The following C6 variants were observed in gnomAD, a reference collection of about 807,000 sequenced individuals.
C6 encodes complement component C6.
A neutral mutation model predicts 112.9 loss-of-function variants in C6; 101 were observed. The ratio of observed to expected loss-of-function variants is 0.89; its 90% CI spans 0.76 to 1.06. The LOEUF is 1.06. Among genes scored for constraint, C6 ranks in the 50% least tolerant of loss-of-function variants. The pLI is 0.00. For missense variants in C6, 1,202 were observed against 1,104.6 expected, an observed-to-expected ratio of 1.09 and a Z score of -1.25; for synonymous variants, 431 against 384.1, an observed-to-expected ratio of 1.12 and a Z score of -1.43.
Position 41,160,169 on chromosome 5 carries a change from C to T in C6, c.1657G>A (p.Glu553Lys). Residue 553 changes from glutamate to lysine, a missense_variant, in exon 11 of 18, where the codon GAG becomes AAG. Physicochemically the swap from Glu to Lys is moderately conservative, Grantham distance 56 (BLOSUM62 1). Transcript: ENST00000337836. ...CQSGTYGENCEKQSPDYKSNA... is the reference protein window; with the variant it reads ...CQSGTYGENCKKQSPDYKSNA... ...GATTTATAATCTGGAGACTGTTTCT[C>T]ACAGTTCTCACCATAGGTGCCACTC... 1 of 1,613,270 alleles carries T rather than the reference C, an allele frequency of 6.2e-7. No individual in the cohort carries two copies. Among genetic ancestry groups the T allele is most frequent in the Non-Finnish European group, 8.5e-7 (1 of 1,179,242 alleles).
At chr5:41,215,945 T>C (rs1008247922), upstream of C6, among the ~76,000 whole-genome samples, 5 of 152,074 alleles carry the variant, frequency 3.3e-5, no homozygotes, top group African/African-American at 1.2e-4. Context: ...TAATTTCTTA[T>C]TAGAGCCAAG....
chr5:41,252,159 T>C (rs1741400470), intron 1 of C6, among the ~76,000 whole-genome samples: 1 of 152,222 alleles, frequency 6.6e-6, no homozygotes, highest in Non-Finnish European at 1.5e-5. Context: ...CTATTTTAAC[T>C]AATATAAATA....
intron 1 of C6, among the ~76,000 whole-genome samples, chr5:41,238,863 T>C (rs557769575): frequency 6.6e-6 from 1 of 152,204 alleles, no homozygotes; most frequent in African/African-American, 2.4e-5. Flanking sequence ...CTTTTGTTTT[T>C]AATATAATTA....
chr5:41,252,490 A>G (rs1194043153), intron 1 of C6, among the ~76,000 whole-genome samples: 2 of 152,156 alleles, frequency 1.3e-5, no homozygotes, highest in African/African-American at 2.4e-5. Flanking sequence ...GAGATACCCA[A>G]CTCCAACCTG....
intron 1 of C6, among the ~76,000 whole-genome samples, chr5:41,232,318 G>A (rs12187021): frequency 0.59 from 89,307 of 151,854 alleles, 27,051 homozygotes; most frequent in South Asian, 0.67. Flanking sequence ...TGAGATAGTG[G>A]AAAGCTCTGA....
At chr5:41,202,608 G>A (rs1368994704) in intron 2 of C6, among the ~76,000 whole-genome samples, 1 of 152,184 alleles carries the variant, frequency 6.6e-6, no homozygotes, top group Non-Finnish European at 1.5e-5. Context: ...GGGACAAGAA[G>A]TCTGAATTGG....
chr5:41,177,339 T>A lies in C6; in HGVS notation c.928-624A>T, dbSNP rs1037066641. On this transcript the variant is annotated intron_variant, in intron 7 of 17. Coordinates refer to ENST00000337836, the MANE Select transcript of C6 (RefSeq NM_000065.5). ...TCTCCTCCACCCATATGCAGAAATA[T>A]ATGAGTTTTTTTGTTTACAAACTTA... Among the ~76,000 whole-genome samples the A allele has an allele frequency of 2.6e-5, 4 of 152,218 alleles. No individual in the cohort carries two copies. The East Asian group carries it at 7.7e-4, about 29-fold the overall frequency.
At chr5:41,155,209 A>G in intron 13 of C6, 105 bp from the exon 14 acceptor site, 1 of 1,007,034 alleles carries the variant, frequency 9.9e-7, no homozygotes, top group Non-Finnish European at 1.5e-6. Context: ...GGATCTACTC[A>G]GTCACCAAGT....
chr5:41,187,707 C>CA (rs201786666), intron 5 of C6, among the ~76,000 whole-genome samples: 100 of 120,160 alleles, frequency 8.3e-4, no homozygotes, highest in African/African-American at 7.6e-4. Context: ...CATACACACA[C>CA]ACACACACAC....
rs143683793 is a variant in C6 at position 41,257,424 on chromosome 5, A to G, written c.-21+3770T>C. On this transcript the variant is annotated intron_variant, in intron 1 of 17. Transcript: ENST00000263413. ...ATTTTCTTTATCCAGTACACTGTTA[A>G]TGGGCATCTAGATAGATCCCATGTC... Among the ~76,000 whole-genome samples, 438 of 152,180 alleles carry G rather than the reference A, an allele frequency of 2.9e-3. 3 individuals are homozygous for G. Among genetic ancestry groups the G allele is most frequent in the African/African-American group, 0.01 (417 of 41,504 alleles).
intron 2 of C6, among the ~76,000 whole-genome samples, chr5:41,202,162 A>G (rs978021730): frequency 6.6e-6 from 1 of 152,168 alleles, no homozygotes; most frequent in African/African-American, 2.4e-5. Context: ...TCAAAGAGAA[A>G]GTGGCATGAG....
intron 9 of C6, among the ~76,000 whole-genome samples, chr5:41,166,598 C>T (rs6881203): frequency 0.045 from 6,911 of 152,104 alleles, 165 homozygotes; most frequent in Middle Eastern, 0.071. Context: ...GTATGAAGTA[C>T]TGAGGACATA....
chr5:41,213,426 G>GA lies in C6; in HGVS notation c.-72dup. On this transcript the variant is annotated 5_prime_UTR_variant, in exon 1 of 18. Transcript: ENST00000337836. ...CGGACCTAAGCTGCAAATTATTGGG[G>GA]AAAAAATAGGTATGCAGAATGAAGA... 1 of 985,222 alleles carries GA rather than the reference G, an allele frequency of 1.0e-6. No individual in the cohort carries two copies. Among genetic ancestry groups the GA allele is most frequent in the Non-Finnish European group, 1.2e-6 (1 of 829,860 alleles). 61.0% of individuals were successfully genotyped at this position (985,222 alleles called of 1,614,324 possible). A position where few individuals can be genotyped will look rare whatever the true frequency, so the allele number is the denominator to read the frequency against.
upstream of C6, among the ~76,000 whole-genome samples, chr5:41,215,641 G>T (rs1478650174): frequency 6.6e-6 from 1 of 152,068 alleles, no homozygotes; most frequent in East Asian, 1.9e-4. Flanking sequence ...AGTTGCTATT[G>T]ACTGACCAGT....
At chr5:41,148,244 C>T (rs137958931) in intron 17 of C6, among the ~76,000 whole-genome samples, 115 of 152,108 alleles carry the variant, frequency 7.6e-4, no homozygotes, top group African/African-American at 2.7e-3. Flanking sequence ...TCATAGAATA[C>T]CCGTATAGAC....
intron 1 of C6, chr5:41,261,081 C>T (rs1328285144): frequency 2.1e-6 from 1 of 476,818 alleles, no homozygotes; most frequent in African/African-American, 2.1e-5. Context: ...AACTGAACTA[C>T]TGCCTTTGTA....
chr5:41,204,674 T>C lies in C6; in HGVS notation c.-20-1424A>G, dbSNP rs567509176. On this transcript the variant is annotated intron_variant, in intron 1 of 17. Transcript: ENST00000337836. Reference sequence around the variant, plus strand: ...AATCAGTAAGCTTTTTTTTTTCTTTTTTTTTTTTTTTTTGAGATGGAGTCT... The same window carrying C: ...AATCAGTAAGCTTTTTTTTTTCTTTCTTTTTTTTTTTTTGAGATGGAGTCT... Among the ~76,000 whole-genome samples, 31 of 145,050 alleles carry C rather than the reference T, an allele frequency of 2.1e-4. 3 individuals are homozygous for C. The highest frequency in any genetic ancestry group is 1.8e-3 in the South Asian group (8 of 4,454).
intron 3 of C6, among the ~76,000 whole-genome samples, chr5:41,200,269 T>C (rs1158921086): frequency 2.6e-5 from 4 of 152,214 alleles, no homozygotes; most frequent in Admixed American, 1.3e-4. Flanking sequence ...TTTCTGTATC[T>C]TAAAGATAGT....
chr5:41,180,409 A>C (rs1749229702), intron 7 of C6, among the ~76,000 whole-genome samples: 1 of 152,170 alleles, frequency 6.6e-6, no homozygotes, highest in Non-Finnish European at 1.5e-5. Context: ...TAAAAATTTC[A>C]GATAGAAATG....
Sources: gnomAD v4.1 joint callset for allele counts (sites outside exome capture counted in the v4.1 genomes callset) on GRCh38, gnomAD v4.1.1 for gene constraint, MANE v1.5 for transcripts, NCBI Gene and HGNC (gene_info 2026-07-23, HGNC 2026-07-21) for gene names.